Variants in CRTAC1 observed in about 807,000 individuals in gnomAD.
The protein encoded by CRTAC1 is cartilage acidic protein 1.
In CRTAC1, 37 loss-of-function variants were observed where a neutral mutation model predicts 67.8. That is an observed-to-expected ratio of 0.55 (90% CI 0.42 to 0.72). The LOEUF is 0.72. Ranked by LOEUF, CRTAC1 falls within the 30% of genes least tolerant of loss-of-function variation. CRTAC1 has a pLI of 0.00. For synonymous variants in CRTAC1, 348 were observed against 371.0 expected (o/e 0.94, Z 0.71); for missense variants, 780 against 931.6 (o/e 0.84, Z 2.12).
chr10:97,866,041 T>A, intron 14 of CRTAC1: 1 of 316,694 alleles, frequency 3.2e-6, no homozygotes, highest in East Asian at 5.4e-5. Context: ...CTCCCAACCC[T>A]GCGAGGGGGG....
intron 3 of CRTAC1, among the ~76,000 whole-genome samples, chr10:97,931,698 G>A (rs1382029944): frequency 2.0e-5 from 3 of 152,212 alleles, no homozygotes; most frequent in African/African-American, 4.8e-5. Context: ...ATGAAAGTAC[G>A]GTAGTGGTGG....
intron 2 of CRTAC1, among the ~76,000 whole-genome samples, chr10:98,004,524 T>C (rs577911882): frequency 2.0e-5 from 3 of 152,284 alleles, no homozygotes; most frequent in Admixed American, 6.5e-5. Context: ...TCTAATAAGA[T>C]TTAAAATGAA....
In CRTAC1 at chr10:97,880,159, G is replaced by A. The variant is rs2050193001; in HGVS notation, c.1819+90C>T. ...TCTATCCAGCCAGGAGAAGGAAGGG[G>A]CTGGGGACCTTGATCTGGGGCCTAC... On this transcript the variant is annotated intron_variant, in intron 14 of 14. Coordinates refer to ENST00000370597, the MANE Select transcript of CRTAC1 (RefSeq NM_018058.7). 6.9e-6 allele frequency: 10 copies of A among 1,446,966 alleles called. No individual in the cohort carries two copies. In the East Asian group the frequency reaches 2.3e-4, roughly 33 times the overall value. 89.6% of individuals were successfully genotyped at this position (1,446,966 alleles called of 1,614,324 possible). A position where few individuals can be genotyped will look rare whatever the true frequency, so the allele number is the denominator to read the frequency against.
chr10:98,013,096 A>G (rs1181118250), intron 1 of CRTAC1, among the ~76,000 whole-genome samples: 2 of 152,186 alleles, frequency 1.3e-5, no homozygotes, highest in Admixed American at 6.5e-5. Flanking sequence ...GAAATGTAGC[A>G]TGGATCTGAA....
chr10:97,994,709 T>C (rs953725941), intron 2 of CRTAC1, among the ~76,000 whole-genome samples: 1 of 152,192 alleles, frequency 6.6e-6, no homozygotes. Flanking sequence ...TCCTTCAAGA[T>C]AGAAAATTTC....
At chr10:98,020,710 A>G (rs879197) in intron 1 of CRTAC1, among the ~76,000 whole-genome samples, 39,890 of 152,222 alleles carry the variant, frequency 0.26, 6,059 homozygotes, top group African/African-American at 0.41. Context: ...GAGCAGGTGC[A>G]TGGGAGATGT....
At chr10:97,988,355 T>C (rs2052019017) in intron 2 of CRTAC1, among the ~76,000 whole-genome samples, 2 of 152,186 alleles carry the variant, frequency 1.3e-5, no homozygotes, top group South Asian at 2.1e-4. Flanking sequence ...AACCAAAAAG[T>C]AGCACTCAGA....
intron 1 of CRTAC1, among the ~76,000 whole-genome samples, chr10:98,022,316 T>C (rs965527185): frequency 5.9e-5 from 9 of 151,482 alleles, no homozygotes; most frequent in Admixed American, 4.6e-4. Context: ...GATCACGCCA[T>C]TGCACTCTAG....
chr10:97,896,830 C>T, intron 9 of CRTAC1, 79 bp downstream of exon 9: 1 of 601,792 alleles, frequency 1.7e-6, no homozygotes, highest in Non-Finnish European at 3.0e-6. Flanking sequence ...ACTGGCTGCC[C>T]CGTCCCTCCC....
At chr10:97,929,983 T>G (rs2050979370) in intron 3 of CRTAC1, among the ~76,000 whole-genome samples, 1 of 152,194 alleles carries the variant, frequency 6.6e-6, no homozygotes. Context: ...GGGTCCCTGA[T>G]GTAAATGCTG....
intron 2 of CRTAC1, among the ~76,000 whole-genome samples, chr10:98,006,838 A>T (rs946965313): frequency 6.6e-6 from 1 of 152,204 alleles, no homozygotes; most frequent in Non-Finnish European, 1.5e-5. Flanking sequence ...ACCTGTCATG[A>T]ACTGAACCAT....
intron 2 of CRTAC1, among the ~76,000 whole-genome samples, chr10:97,992,810 T>C (rs548984928): frequency 1.3e-5 from 2 of 152,180 alleles, no homozygotes; most frequent in South Asian, 4.1e-4. Context: ...GAGATATTGG[T>C]CAAAGGATAC....
chr10:97,908,111 C>T lies in CRTAC1; in HGVS notation c.752G>A (p.Ser251Asn), dbSNP rs780915624. The T allele has an allele frequency of 6.2e-7, 1 of 1,614,034 alleles. No homozygotes were observed. Among genetic ancestry groups the T allele is most frequent in the South Asian group, 1.1e-5 (1 of 91,078 alleles). The change falls in exon 6 of 15, where the codon AGC (serine) becomes AAC (asparagine). Residue 251 changes from serine to asparagine, a missense_variant. Physicochemically the swap from Ser to Asn is conservative, Grantham distance 46. Coordinates refer to ENST00000370597, the MANE Select transcript of CRTAC1 (RefSeq NM_018058.7). ...GTCGCAGAAGATATCCGAGGCACTG[C>T]TGCTGAGGATGGGGCCCACGCTGAC... is the stretch of plus-strand genomic sequence containing the variant. The part of the protein sequence containing the change: ...RGVSVGPILS[S>N]SASDIFCDNE...
intron 6 of CRTAC1, among the ~76,000 whole-genome samples, chr10:97,906,712 C>T (rs989328524): frequency 6.6e-6 from 1 of 152,130 alleles, no homozygotes; most frequent in Non-Finnish European, 1.5e-5. Context: ...TCTGCCTTGC[C>T]AGAGAAGGAT....
intron 2 of CRTAC1, among the ~76,000 whole-genome samples, chr10:97,971,937 G>A (rs770682120): frequency 1.2e-4 from 19 of 152,166 alleles, no homozygotes; most frequent in South Asian, 2.1e-4. Context: ...TGGACATGGC[G>A]TGTCCAGCGT....
intron 2 of CRTAC1, among the ~76,000 whole-genome samples, chr10:97,958,470 T>C (rs2051474839): frequency 6.6e-6 from 1 of 152,080 alleles, no homozygotes; most frequent in Non-Finnish European, 1.5e-5. Flanking sequence ...TGTTTTTTTG[T>C]TTTTTAACCA....
At chr10:97,987,830 T>G (rs900793274) in intron 2 of CRTAC1, among the ~76,000 whole-genome samples, 3 of 152,194 alleles carry the variant, frequency 2.0e-5, no homozygotes, top group Non-Finnish European at 4.4e-5. Context: ...TGCTCAGCAC[T>G]CTTCCATCTT....
intron 2 of CRTAC1, among the ~76,000 whole-genome samples, chr10:97,943,544 ATT>A (rs2051211980): frequency 6.6e-6 from 1 of 152,248 alleles, no homozygotes; most frequent in African/African-American, 2.4e-5. Flanking sequence ...ACACAGGAGT[ATT>A]TTATTGTTGG....
At chr10:98,008,171 G>A (rs1326949568) in intron 2 of CRTAC1, among the ~76,000 whole-genome samples, 1 of 152,174 alleles carries the variant, frequency 6.6e-6, no homozygotes, top group East Asian at 1.9e-4. Flanking sequence ...CAGCCCTGGG[G>A]CCAAGACCTT....
Sources: allele counts gnomAD v4.1 joint callset (sites outside exome capture counted in the v4.1 genomes callset), GRCh38; gene constraint gnomAD v4.1.1; transcripts MANE v1.5; gene names NCBI Gene and HGNC (gene_info 2026-07-23, HGNC 2026-07-21).